The following NFE2L3 variants were observed in gnomAD, a reference collection of about 807,000 sequenced individuals.
NFE2L3 encodes the protein nuclear factor erythroid 2-related factor 3.
Under a neutral mutation model 23.5 loss-of-function variants are expected in NFE2L3, and 18 were observed. That is an observed-to-expected ratio of 0.77 (90% confidence interval 0.53 to 1.13). The LOEUF (loss-of-function observed/expected upper bound fraction) is 1.13. Ranked by LOEUF, NFE2L3 falls within the 50% of genes most tolerant of loss-of-function variation. The probability of loss-of-function intolerance (pLI) is 0.00; values close to 1 mark genes in which losing one functional copy is unlikely to be tolerated. For missense variants in NFE2L3, 1,152 were observed against 877.2 expected (o/e 1.31, Z -3.96); for synonymous variants, 424 against 354.5 (o/e 1.20, Z -2.20).
chr7:26,183,747 T>C lies in NFE2L3; in HGVS notation c.797T>C (p.Phe266Ser), dbSNP rs1389492401. The change falls in exon 3 of 4, where the codon TTC becomes TCC. Residue 266 changes from phenylalanine to serine, a missense_variant. Phe to Ser is a radical substitution (Grantham distance 155). Transcript: ENST00000056233. Reference sequence around the variant, plus strand: ...ACTTCTTTCTCTCTGGAAGACTTATTCCAGTTGCTTTCATCACAGCCTGAA... The same window carrying C: ...ACTTCTTTCTCTCTGGAAGACTTATCCCAGTTGCTTTCATCACAGCCTGAA... ...TDTSFSLEDLFQLLSSQPENS... is the reference protein window; with the variant it reads ...TDTSFSLEDLSQLLSSQPENS... 1 of 1,612,950 alleles carries C rather than the reference T, an allele frequency of 6.2e-7. No individual in the cohort carries two copies. Among genetic ancestry groups the C allele is most frequent in the Admixed American group, 1.7e-5 (1 of 60,022 alleles).
At chr7:26,181,665 C>T (rs1336819988) in intron 2 of NFE2L3, among the ~76,000 whole-genome samples, 1 of 152,090 alleles carries the variant, frequency 6.6e-6, no homozygotes, top group Non-Finnish European at 1.5e-5. Flanking sequence ...ACATAAATAG[C>T]CATGAGTCAG....
At chr7:26,168,509 A>G (rs1562672251) in intron 1 of NFE2L3, among the ~76,000 whole-genome samples, 1 of 129,204 alleles carries the variant, frequency 7.7e-6, no homozygotes, top group Admixed American at 7.9e-5. Flanking sequence ...TCATATATAT[A>G]TTATATGATT....
chr7:26,169,033 T>C (rs1483443134), intron 1 of NFE2L3, among the ~76,000 whole-genome samples: 1 of 152,240 alleles, frequency 6.6e-6, no homozygotes, highest in Non-Finnish European at 1.5e-5. Flanking sequence ...TAGGCTGTTT[T>C]GGGCTTTGCA....
chr7:26,169,739 C>G (rs1390415298), intron 1 of NFE2L3, among the ~76,000 whole-genome samples: 21 of 152,176 alleles, frequency 1.4e-4, no homozygotes, highest in Admixed American at 1.4e-3. Context: ...TTATTCAATA[C>G]CTAAGTCTGT....
At chr7:26,180,745 A>G (rs1483788677) in intron 2 of NFE2L3, among the ~76,000 whole-genome samples, 1 of 152,038 alleles carries the variant, frequency 6.6e-6, no homozygotes, top group Admixed American at 6.5e-5. Flanking sequence ...CACTTACTAA[A>G]TATTAATGAG....
At chr7:26,156,210 G>A (rs1690376112) in intron 1 of NFE2L3, among the ~76,000 whole-genome samples, 1 of 152,174 alleles carries the variant, frequency 6.6e-6, no homozygotes, top group African/African-American at 2.4e-5. Context: ...GTTGATGTGA[G>A]AATTAAAAAG....
intron 2 of NFE2L3, among the ~76,000 whole-genome samples, chr7:26,179,381 T>C (rs1293268492): frequency 6.6e-6 from 1 of 151,862 alleles, no homozygotes; most frequent in Non-Finnish European, 1.5e-5. Flanking sequence ...GTTCCTGTAC[T>C]CCTAGCTATC....
chr7:26,185,805 T>C lies in NFE2L3; in HGVS notation c.*22T>C, dbSNP rs746693326. On this transcript the variant is annotated 3_prime_UTR_variant, in exon 4 of 4. Coordinates refer to ENST00000056233, the MANE Select transcript of NFE2L3 (RefSeq NM_004289.7). ...GTGAGAAGAAACTGAAGATGGACTCTATTATGTGAAGTAGTAATGTTCAGA... is the reference window on the plus strand; with the variant it reads ...GTGAGAAGAAACTGAAGATGGACTCCATTATGTGAAGTAGTAATGTTCAGA... 13 of 1,558,096 alleles carry C rather than the reference T, an allele frequency of 8.3e-6. No individual in the cohort carries two copies. The highest frequency in any genetic ancestry group is 1.1e-5 in the Non-Finnish European group (13 of 1,158,724).
chr7:26,178,874 C>T (rs953016599), intron 2 of NFE2L3, among the ~76,000 whole-genome samples: 4 of 152,014 alleles, frequency 2.6e-5, no homozygotes, highest in African/African-American at 9.7e-5. Flanking sequence ...CTTGCCCTGA[C>T]GGTTTTCTTA....
At chr7:26,178,231 TAACA>T in intron 2 of NFE2L3, 109 bp downstream of exon 2, 3 of 847,550 alleles carry the variant, frequency 3.5e-6, no homozygotes, top group Non-Finnish European at 5.5e-6. Flanking sequence ...GCTCTACTAT[TAACA>T]AATATGATAT....
intron 2 of NFE2L3, among the ~76,000 whole-genome samples, chr7:26,181,823 TATGAAAAAAGTCATTTTCA>T (rs1366110539): frequency 6.6e-6 from 1 of 152,114 alleles, no homozygotes; most frequent in Non-Finnish European, 1.5e-5. Flanking sequence ...AAATTCTAGA[TATGAAAAAAGTCATTTTCA>T]TTGAAAATTC....
Position 26,182,388 on chromosome 7 carries a change from CCA to C in NFE2L3, c.751-1312_751-1311del. ...CCTGTAATCCCAACTCTTTGTGAGG[CCA>C]AGGCAGGTGGATCACCTGTGGTCAG... On this transcript the variant is annotated intron_variant, in intron 2 of 3. Transcript: ENST00000056233. Among the ~76,000 whole-genome samples, 2 of 152,152 alleles carry C rather than the reference CCA, an allele frequency of 1.3e-5. 1 individual carries two copies. Among genetic ancestry groups the C allele is most frequent in the South Asian group, 4.1e-4 (2 of 4,828 alleles).
chr7:26,166,136 C>CGGGGGGGGG (rs5883018), intron 1 of NFE2L3, among the ~76,000 whole-genome samples: 4 of 131,062 alleles, frequency 3.1e-5, no homozygotes, highest in African/African-American at 8.0e-5. Context: ...GCGGGTGGGG[C>CGGGGGGGGG]GGGGGGGAAA....
chr7:26,157,227 GAGTATAGT>G (rs1784095595), intron 1 of NFE2L3, among the ~76,000 whole-genome samples: 1 of 152,154 alleles, frequency 6.6e-6, no homozygotes, highest in Non-Finnish European at 1.5e-5. Flanking sequence ...TCCCAGGCTG[GAGTATAGT>G]AGTACCATCA....
In NFE2L3 at chr7:26,183,701, A is replaced by AGACATCTGAATG. The variant is rs1322798205; in HGVS notation, c.753_764dup (p.His252_Gly255dup). The AGACATCTGAATG allele has an allele frequency of 1.2e-6, 2 of 1,602,258 alleles. No homozygotes were observed. The highest frequency in any genetic ancestry group is 3.3e-5 in the Admixed American group (2 of 59,986). ...ATGCACTTTTTGTGTTTCTCTACAG[A>AGACATCTGAATG]GACATCTGAATGGGACAGATACTTC... is the stretch of plus-strand genomic sequence containing the variant. On this transcript the variant is annotated inframe_insertion and splice_region_variant, in exon 3 of 4. Coordinates refer to ENST00000056233, the MANE Select transcript of NFE2L3 (RefSeq NM_004289.7).
intron 1 of NFE2L3, among the ~76,000 whole-genome samples, chr7:26,177,009 G>A (rs757037013): frequency 5.1e-4 from 7 of 13,722 alleles, no homozygotes; most frequent in South Asian, 2.4e-3. Flanking sequence ...CGGGGTGGCC[G>A]GGCAGAGGCG....
rs539478008 is a variant in NFE2L3, at chr7:26,183,563, G to T, written c.751-138G>T. On this transcript the variant is annotated intron_variant, in intron 2 of 3. Coordinates refer to ENST00000056233, the MANE Select transcript of NFE2L3 (RefSeq NM_004289.7). ...CCGTCTCAAAATATAATAAAAAGTAGAACTTCCAACCAAGGAACATAATAG... is the reference window on the plus strand; with the variant it reads ...CCGTCTCAAAATATAATAAAAAGTATAACTTCCAACCAAGGAACATAATAG... 1.5e-4 allele frequency: 91 copies of T among 616,608 alleles called. No individual in the cohort carries two copies. In the African/African-American group the frequency reaches 1.6e-3, roughly 11 times the overall value. 38.2% of individuals were successfully genotyped at this position (616,608 alleles called of 1,614,324 possible).
At chr7:26,176,360 G>A (rs1309241760) in intron 1 of NFE2L3, among the ~76,000 whole-genome samples, 3 of 151,984 alleles carry the variant, frequency 2.0e-5, no homozygotes, top group African/African-American at 7.3e-5. Context: ...GCCCATTCTC[G>A]ATGGTCACTG....
intron 1 of NFE2L3, among the ~76,000 whole-genome samples, chr7:26,175,426 G>C (rs1784386545): frequency 6.6e-6 from 1 of 152,160 alleles, no homozygotes; most frequent in Non-Finnish European, 1.5e-5. Context: ...ATAAAGTGAA[G>C]TAAACTCTTT....
Sources: allele counts gnomAD v4.1 joint callset (sites outside exome capture counted in the v4.1 genomes callset), GRCh38; gene constraint gnomAD v4.1.1; transcripts MANE v1.5; gene names NCBI Gene and HGNC (gene_info 2026-07-23, HGNC 2026-07-21).